Variants in SLC16A10 observed in about 807,000 individuals in gnomAD.
SLC16A10 encodes the protein monocarboxylate transporter 10.
In SLC16A10, 27 loss-of-function variants were observed where a neutral mutation model predicts 40.0. That is an observed-to-expected ratio of 0.67 (90% CI 0.50 to 0.93). SLC16A10 has a LOEUF of 0.93. Ranked by LOEUF, SLC16A10 falls within the 40% of genes least tolerant of loss-of-function variation. The pLI is 0.00. For missense variants in SLC16A10, 529 were observed against 658.2 expected, an observed-to-expected ratio of 0.80 and a Z score of 2.15; for synonymous variants, 213 against 249.8, an observed-to-expected ratio of 0.85 and a Z score of 1.39.
chr6:111,117,194 C>CA (rs542341295), intron 1 of SLC16A10, among the ~76,000 whole-genome samples: 2 of 151,138 alleles, frequency 1.3e-5, no homozygotes, highest in Non-Finnish European at 3.0e-5. Flanking sequence ...ACTAGAAATA[C>CA]AAAAAAAATT....
At chr6:111,184,296 C>T (rs12214550) in intron 3 of SLC16A10, among the ~76,000 whole-genome samples, 15,449 of 152,112 alleles carry the variant, frequency 0.1, 1,036 homozygotes, top group Middle Eastern at 0.17. Context: ...TATTCATTAG[C>T]CTGTTTTTTA....
chr6:111,161,222 C>CAAAAAAAAAAAAAAAAAAAAAAA (rs57463212), intron 1 of SLC16A10, among the ~76,000 whole-genome samples: 1 of 42,426 alleles, frequency 2.4e-5, no homozygotes, highest in African/African-American at 1.0e-4. Context: ...GACAGTGTCT[C>CAAAAAAAAAAAAAAAAAAAAAAA]AAAAAAAAAA....
At chr6:111,157,541 C>T (rs141428926) in intron 1 of SLC16A10, among the ~76,000 whole-genome samples, 74 of 152,098 alleles carry the variant, frequency 4.9e-4, no homozygotes, top group African/African-American at 1.6e-3. Flanking sequence ...CTTGGCCTCC[C>T]GAAGTGCTGG....
intron 1 of SLC16A10, among the ~76,000 whole-genome samples, chr6:111,095,300 G>A (rs1159497473): frequency 6.6e-6 from 1 of 152,202 alleles, no homozygotes; most frequent in African/African-American, 2.4e-5. Context: ...AGATTCTGAT[G>A]AAATGGTTGG....
chr6:111,186,261 G>A (rs1210442814), intron 3 of SLC16A10, among the ~76,000 whole-genome samples: 3 of 152,132 alleles, frequency 2.0e-5, no homozygotes, highest in Non-Finnish European at 2.9e-5. Flanking sequence ...ATAAAATGCA[G>A]TATACTTTGA....
intron 1 of SLC16A10, among the ~76,000 whole-genome samples, chr6:111,169,821 T>G (rs1471290098): frequency 6.6e-6 from 1 of 152,202 alleles, no homozygotes; most frequent in Non-Finnish European, 1.5e-5. Flanking sequence ...AATAGACACA[T>G]AAATCTGTAA....
At chr6:111,175,708 T>C (rs1253900021) in intron 2 of SLC16A10, among the ~76,000 whole-genome samples, 2 of 151,406 alleles carry the variant, frequency 1.3e-5, no homozygotes, top group Admixed American at 6.6e-5. Flanking sequence ...GAACCACATT[T>C]TTTTTTTTTT....
chr6:111,103,261 A>C (rs1484540306), intron 1 of SLC16A10, among the ~76,000 whole-genome samples: 1 of 151,818 alleles, frequency 6.6e-6, no homozygotes, highest in African/African-American at 2.4e-5. Flanking sequence ...CTTGTCGCCC[A>C]AGCTGGAATG....
At chr6:111,120,945 G>T (rs906508797) in intron 1 of SLC16A10, among the ~76,000 whole-genome samples, 2 of 152,082 alleles carry the variant, frequency 1.3e-5, no homozygotes, top group Non-Finnish European at 2.9e-5. Flanking sequence ...TATAATTTTT[G>T]AAGTTATTTT....
intron 3 of SLC16A10, among the ~76,000 whole-genome samples, chr6:111,205,862 G>A (rs1417657252): frequency 6.6e-6 from 1 of 152,084 alleles, no homozygotes; most frequent in Non-Finnish European, 1.5e-5. Context: ...TCGTTTCAGG[G>A]GTGTCAATTT....
At chr6:111,206,477 GA>G in intron 3 of SLC16A10, 114 bp from the exon 4 acceptor site, 1 of 1,074,520 alleles carries the variant, frequency 9.3e-7, no homozygotes. Context: ...TTGAAATTTG[GA>G]AAAAGTTGCA....
At chr6:111,167,691 C>T (rs1301103505) in intron 1 of SLC16A10, among the ~76,000 whole-genome samples, 1 of 151,648 alleles carries the variant, frequency 6.6e-6, no homozygotes, top group Non-Finnish European at 1.5e-5. Context: ...GAGAGAGAGA[C>T]GAGGTCTTGC....
At chr6:111,208,004 C>T (rs1264558030) in intron 4 of SLC16A10, among the ~76,000 whole-genome samples, 5 of 151,914 alleles carry the variant, frequency 3.3e-5, no homozygotes, top group Admixed American at 2.0e-4. Flanking sequence ...GGTGTCACTC[C>T]GTTTCCCAGG....
intron 4 of SLC16A10, among the ~76,000 whole-genome samples, chr6:111,210,746 G>A (rs1773331821): frequency 6.6e-6 from 1 of 152,184 alleles, no homozygotes; most frequent in Non-Finnish European, 1.5e-5. Context: ...TTTAAGAGTA[G>A]TGGATTTTGG....
At chr6:111,123,634 C>T (rs1222916519) in intron 1 of SLC16A10, among the ~76,000 whole-genome samples, 1 of 152,094 alleles carries the variant, frequency 6.6e-6, no homozygotes, top group African/African-American at 2.4e-5. Context: ...CTTTTGTGTT[C>T]CAAGTCAGAT....
intron 1 of SLC16A10, among the ~76,000 whole-genome samples, chr6:111,163,046 A>G (rs888542732): frequency 3.9e-5 from 6 of 152,020 alleles, no homozygotes; most frequent in Non-Finnish European, 7.4e-5. Flanking sequence ...AAATAAGACA[A>G]TTGTCTGTGA....
At position 111,225,627 on chromosome 6, in the gene SLC16A10, G is replaced by A. The variant is rs903164655; in HGVS notation, c.*3392G>A. 2.0e-5 allele frequency: 3 copies of A among 150,564 alleles called. No individual in the cohort carries two copies. The highest frequency in any genetic ancestry group is 7.3e-5 in the African/African-American group (3 of 40,964). The allele number at this position is 150,564 out of a possible 1,614,324, so 9.3% of individuals were successfully genotyped here. On this transcript the variant is annotated 3_prime_UTR_variant, in exon 6 of 6. Coordinates refer to ENST00000368851, the MANE Select transcript of SLC16A10 (RefSeq NM_018593.5). ...ACTTCGGATAATTCTAATCCTTTTAGCTGCATTTAAGAATATTTTAATTTA... is the reference window on the plus strand; with the variant it reads ...ACTTCGGATAATTCTAATCCTTTTAACTGCATTTAAGAATATTTTAATTTA...
chr6:111,169,287 A>G (rs912324273), intron 1 of SLC16A10, among the ~76,000 whole-genome samples: 3 of 152,252 alleles, frequency 2.0e-5, no homozygotes, highest in Non-Finnish European at 4.4e-5. Flanking sequence ...TGAGGTTCCA[A>G]CGGTGAGTCT....
At chr6:111,150,777 C>G (rs1271319404) in intron 1 of SLC16A10, among the ~76,000 whole-genome samples, 1 of 152,130 alleles carries the variant, frequency 6.6e-6, no homozygotes, top group Non-Finnish European at 1.5e-5. Context: ...TGAGTTGACT[C>G]CACTGAGAAG....
Sources: allele counts gnomAD v4.1 joint callset (sites outside exome capture counted in the v4.1 genomes callset), GRCh38; gene constraint gnomAD v4.1.1; transcripts MANE v1.5; gene names NCBI Gene and HGNC (gene_info 2026-07-23, HGNC 2026-07-21).